Variants in MAP1A observed in about 807,000 individuals in gnomAD.
MAP1A encodes the protein microtubule associated protein 1A.
In MAP1A, 42 loss-of-function variants were observed where a neutral mutation model predicts 185.9. The observed-to-expected ratio is 0.23, with a 90% CI of 0.18 to 0.29. MAP1A has a LOEUF of 0.29. Ranked by LOEUF, MAP1A falls within the 10% of genes least tolerant of loss-of-function variation. The pLI is 1.00. For missense variants in MAP1A, 2,995 were observed against 3,450.4 expected, an observed-to-expected ratio of 0.87 and a Z score of 3.31; for synonymous variants, 1,229 against 1,335.9, an observed-to-expected ratio of 0.92 and a Z score of 1.74.
At chr15:43,520,460 C>G (rs1310107224) in intron 1 of MAP1A, among the ~76,000 whole-genome samples, 181 bp from the exon 2 acceptor site, 4 of 152,148 alleles carry the variant, frequency 2.6e-5, no homozygotes, top group Non-Finnish European at 5.9e-5. Flanking sequence ...GGTGGAAACC[C>G]TCTAAGGGAA....
chr15:43,526,796 G>C lies in MAP1A; in HGVS notation c.5323G>C (p.Glu1775Gln), dbSNP rs774184949. 3.1e-6 allele frequency: 5 copies of C among 1,614,140 alleles called. No individual in the cohort carries two copies. The highest frequency in any genetic ancestry group is 2.5e-6 in the Non-Finnish European group (3 of 1,180,020). Reference sequence around the variant, plus strand: ...GCTAGAGGTGGAGCGCTGGCTTGCTGAATCACCAGTTGGGTTGCCACCAGA... The same window carrying C: ...GCTAGAGGTGGAGCGCTGGCTTGCTCAATCACCAGTTGGGTTGCCACCAGA... ...KGLEVERWLA[E>Q]SPVGLPPEEE... The change falls in exon 4 of 6, where the codon GAA becomes CAA. Residue 1775 changes from glutamate to glutamine, a missense_variant. By Grantham distance (29) the Glu-to-Gln change is conservative. Coordinates refer to ENST00000300231, the MANE Select transcript of MAP1A (RefSeq NM_002373.6). The surrounding 1 kb of genome is among the most constrained non-coding windows in gnomAD (Gnocchi z 4.7).
Position 43,521,419 on chromosome 15 carries a change from CA to C in MAP1A, c.-54del, listed in dbSNP as rs1382612672. 6.2e-7 allele frequency: 1 copy of C among 1,614,094 alleles called. No individual in the cohort carries two copies. The highest frequency in any genetic ancestry group is 1.7e-5 in the Admixed American group (1 of 60,022). On this transcript the variant is annotated 5_prime_UTR_variant, in exon 4 of 6. Transcript: ENST00000300231. The surrounding 1 kb of genome is among the most constrained non-coding windows in gnomAD (Gnocchi z 4.6). ...GTGATTGGAGCCACCTGGGATTATCCAGTTCCCAAGAGACCCTGCACCTCCG... is the reference window on the plus strand; with the variant it reads ...GTGATTGGAGCCACCTGGGATTATCCGTTCCCAAGAGACCCTGCACCTCCG...
chr15:43,521,156 A>C lies in MAP1A; in HGVS notation c.-151+44A>C. The C allele has an allele frequency of 6.6e-7, 1 of 1,521,610 alleles. No homozygotes were observed. Among genetic ancestry groups the C allele is most frequent in the Non-Finnish European group, 8.8e-7 (1 of 1,138,176 alleles). The allele number at this position is 1,521,610 out of a possible 1,614,324, so 94.3% of individuals were successfully genotyped here. On this transcript the variant is annotated intron_variant, in intron 3 of 5. Transcript: ENST00000300231. The surrounding 1 kb of genome is among the most constrained non-coding windows in gnomAD (Gnocchi z 4.6). ...TGTCTGGGAGAAAGGGTAGCACTAG[A>C]GCTGTGGGAGGGATCTAAGGGAAAG...
Position 43,522,954 on chromosome 15 carries a change from G to A in MAP1A, c.1481G>A (p.Gly494Glu). 1 of 1,614,132 alleles carries A rather than the reference G, an allele frequency of 6.2e-7. No individual in the cohort carries two copies. The highest frequency in any genetic ancestry group is 8.5e-7 in the Non-Finnish European group (1 of 1,180,014). The part of the protein sequence containing the change: ...VKIDRSRAIR[G>E]EKELSSEPQT... ...ATAGACAGGAGCCGTGCTATCCGTG[G>A]GGAGAAGGAGCTGTCTTCTGAGCCC... The change falls in exon 4 of 6, where the codon GGG becomes GAG. Residue 494 changes from glycine to glutamate, a missense_variant. Physicochemically the swap from Gly to Glu is moderately conservative, Grantham distance 98. Coordinates refer to ENST00000300231, the MANE Select transcript of MAP1A (RefSeq NM_002373.6). The surrounding 1 kb of genome is among the most constrained non-coding windows in gnomAD (Gnocchi z 5.9).
At position 43,522,430 on chromosome 15, in the gene MAP1A, C is replaced by T. The variant is rs1471229397; in HGVS notation, c.957C>T (p.Ser319=). ...GCAAAATCAAACAGCGGGCTGATAG[C>T]AAGGAGAGCCTCAAAGCCACTACCA... ...KPSKIKQRAD[S]KESLKATTKT... is the part of the protein sequence containing the mutation. Residue 319 remains serine (S), a synonymous_variant, in exon 4 of 6, where the codon AGC becomes AGT. Coordinates refer to ENST00000300231, the MANE Select transcript of MAP1A (RefSeq NM_002373.6). This position sits in a 1 kb window ranked among gnomAD's most constrained non-coding sequence, Gnocchi z 5.9. 6.2e-7 allele frequency: 1 copy of T among 1,614,116 alleles called. No individual in the cohort carries two copies. The highest frequency in any genetic ancestry group is 1.3e-5 in the African/African-American group (1 of 75,016).
rs746565989 is a variant in MAP1A, at chr15:43,526,315, T to A, written c.4842T>A (p.Leu1614=). 2.5e-6 allele frequency: 4 copies of A among 1,614,056 alleles called. No homozygotes were observed. Among genetic ancestry groups the A allele is most frequent in the Non-Finnish European group, 3.4e-6 (4 of 1,180,020 alleles). The change falls in exon 4 of 6, where the codon CTT becomes CTA. Residue 1614 remains leucine (L), a synonymous_variant. Transcript: ENST00000300231. This position sits in a 1 kb window ranked among gnomAD's most constrained non-coding sequence, Gnocchi z 4.7. ...CCATGGAAGAGAAGTTAGAAGCTCTTCTGGAGAAGACCAAAGCTCTGGGCC... is the reference window on the plus strand; with the variant it reads ...CCATGGAAGAGAAGTTAGAAGCTCTACTGGAGAAGACCAAAGCTCTGGGCC... ...VKAMEEKLEA[L]LEKTKALGLE...
In MAP1A at chr15:43,523,495, G is replaced by A. The variant is rs748059335; in HGVS notation, c.2022G>A (p.Ala674=). 34 of 1,613,900 alleles carry A rather than the reference G, an allele frequency of 2.1e-5. 1 individual carries two copies. Among genetic ancestry groups the A allele is most frequent in the Middle Eastern group, 1.6e-4 (1 of 6,082 alleles). Residue 674 remains alanine (A), a synonymous_variant, in exon 4 of 6, where the codon GCG becomes GCA. Transcript: ENST00000300231. ...CTTCAGATGAGGAGGAAGAGGACGC[G>A]ACAAAAGCTGAGGGTTTTTACCAAA... is the stretch of plus-strand genomic sequence containing the variant. ...VHPSDEEEED[A]TKAEGFYQKH...
Position 43,530,286 on chromosome 15 carries a change from C to T in MAP1A, c.*62C>T, listed in dbSNP as rs1051220538. On this transcript the variant is annotated 3_prime_UTR_variant, in exon 6 of 6. Coordinates refer to ENST00000300231, the MANE Select transcript of MAP1A (RefSeq NM_002373.6). ...CAGCTCCTTTAGAGAATGGCTACTG[C>T]TGAGTCCTTTGGGGTTGAGGGAGAT... is the stretch of plus-strand genomic sequence containing the variant. 6 of 1,592,910 alleles carry T rather than the reference C, an allele frequency of 3.8e-6. No homozygotes were observed. The highest frequency in any genetic ancestry group is 5.1e-6 in the Non-Finnish European group (6 of 1,168,074).
rs2079321735 is a variant in MAP1A, at chr15:43,522,162, T to C, written c.689T>C (p.Val230Ala). ...AGNSKAKTGIVLPNGKEAEIS... is the reference protein window; with the variant it reads ...AGNSKAKTGIALPNGKEAEIS... ...AATAGTAAAGCCAAGACAGGCATCG[T>C]GCTGCCCAATGGGAAGGAGGCTGAG... The change falls in exon 4 of 6, where the codon GTG becomes GCG. Residue 230 changes from valine to alanine, a missense_variant. Physicochemically the swap from Val to Ala is moderately conservative, Grantham distance 64 (BLOSUM62 0). Around this residue, in one of 3 missense-constraint regions of MAP1A, gnomAD observed 264 missense variants for 435.3 expected, o/e 0.61. Transcript: ENST00000300231. This position sits in a 1 kb window ranked among gnomAD's most constrained non-coding sequence, Gnocchi z 5.9. 6.2e-7 allele frequency: 1 copy of C among 1,614,100 alleles called. No homozygotes were observed. The highest frequency in any genetic ancestry group is 1.7e-5 in the Admixed American group (1 of 60,012).
At position 43,521,775 on chromosome 15, in the gene MAP1A, T is replaced by C; in HGVS notation, c.302T>C (p.Leu101Pro). The change falls in exon 4 of 6, where the codon CTA becomes CCA. Residue 101 changes from leucine to proline, a missense_variant. Leu to Pro is a moderately conservative substitution (Grantham distance 98). Coordinates refer to ENST00000300231, the MANE Select transcript of MAP1A (RefSeq NM_002373.6). This position sits in a 1 kb window ranked among gnomAD's most constrained non-coding sequence, Gnocchi z 4.6. ...GACAACCTGCCAGGCATCAATGGAC[T>C]ACTGCAGCGCAAAGTGGCAGAGCTA... ...GADNLPGINGLLQRKVAELEE... is the reference protein window; with the variant it reads ...GADNLPGINGPLQRKVAELEE... 1 of 1,614,260 alleles carries C rather than the reference T, an allele frequency of 6.2e-7. No individual in the cohort carries two copies. Among genetic ancestry groups the C allele is most frequent in the Non-Finnish European group, 8.5e-7 (1 of 1,180,046 alleles).
At chr15:43,513,255 A>C (rs954170893), upstream of MAP1A, among the ~76,000 whole-genome samples, 7 of 151,742 alleles carry the variant, frequency 4.6e-5, no homozygotes, top group East Asian at 1.4e-3. Context: ...TGAACCCGGG[A>C]GGCAGAGGTT....
At position 43,522,697 on chromosome 15, in the gene MAP1A, G is replaced by T; in HGVS notation, c.1224G>T (p.Lys408Asn). 1.9e-6 allele frequency: 3 copies of T among 1,605,740 alleles called. No individual in the cohort carries two copies. The highest frequency in any genetic ancestry group is 1.1e-5 in the South Asian group (1 of 90,070). ...TAGGGAAAAAGCACCTTAAAGAAAA[G>T]ATATCAAAGCTGGAAGAAAAAAAAG... ...DKVGKKHLKE[K>N]ISKLEEKKDK... is the part of the protein sequence containing the mutation. The change falls in exon 4 of 6, where the codon AAG becomes AAT. Residue 408 changes from lysine (K) to asparagine (N), a missense_variant. Physicochemically the swap from Lys to Asn is moderately conservative, Grantham distance 94. Around this residue, in one of 3 missense-constraint regions of MAP1A, gnomAD observed 2,728 missense variants for 2,986.0 expected, o/e 0.91. Coordinates refer to ENST00000300231, the MANE Select transcript of MAP1A (RefSeq NM_002373.6). The surrounding 1 kb of genome is among the most constrained non-coding windows in gnomAD (Gnocchi z 5.9).
rs200749556 is a variant in MAP1A, at chr15:43,523,466, C to A, written c.1993C>A (p.His665Asn). 122 of 1,613,934 alleles carry A rather than the reference C, an allele frequency of 7.6e-5. No homozygotes were observed. The African/African-American group carries it at 1.4e-3, about 19-fold the overall frequency. The change falls in exon 4 of 6, where the codon CAC (histidine) becomes AAC (asparagine). Residue 665 changes from histidine to asparagine, a missense_variant. By Grantham distance (68) the His-to-Asn change is moderately conservative. Around this residue, in one of 3 missense-constraint regions of MAP1A, gnomAD observed 2,728 missense variants for 2,986.0 expected, o/e 0.91. Coordinates refer to ENST00000300231, the MANE Select transcript of MAP1A (RefSeq NM_002373.6). The part of the protein sequence containing the change: ...KAELEEMEEV[H>N]PSDEEEEDAT... ...TGAGTTAGAAGAAATGGAGGAGGTA[C>A]ACCCTTCAGATGAGGAGGAAGAGGA...
Position 43,523,742 on chromosome 15 carries a change from G to C in MAP1A, c.2269G>C (p.Asp757His), listed in dbSNP as rs757026835. The change falls in exon 4 of 6, where the codon GAT (aspartate) becomes CAT (histidine). Residue 757 changes from aspartate to histidine, a missense_variant. Coordinates refer to ENST00000300231, the MANE Select transcript of MAP1A (RefSeq NM_002373.6). ...GACCATCTCAGATGAGGAGATCCATGATGAGCCGGAGGAGCGCCCAGCTCC... is the reference window on the plus strand; with the variant it reads ...GACCATCTCAGATGAGGAGATCCATCATGAGCCGGAGGAGCGCCCAGCTCC... ...EQTISDEEIHDEPEERPAPPR... is the reference protein window; with the variant it reads ...EQTISDEEIHHEPEERPAPPR... 4.3e-6 allele frequency: 7 copies of C among 1,613,954 alleles called. No homozygotes were observed. Among genetic ancestry groups the C allele is most frequent in the African/African-American group, 2.7e-5 (2 of 74,912 alleles).
At chr15:43,511,110 C>A (rs988985298) in exon 1 of MAP1A, 6 of 1,550,222 alleles carry the variant, frequency 3.9e-6, no homozygotes, top group Non-Finnish European at 5.2e-6. Context: ...CTGTGCGAGG[C>A]CGGAGCCGCG....
chr15:43,523,760 C>T lies in MAP1A; in HGVS notation c.2287C>T (p.Pro763Ser), dbSNP rs771728340. 6 of 1,613,922 alleles carry T rather than the reference C, an allele frequency of 3.7e-6. No individual in the cohort carries two copies. Among genetic ancestry groups the T allele is most frequent in the Non-Finnish European group, 5.1e-6 (6 of 1,180,018 alleles). The change falls in exon 4 of 6, where the codon CCA becomes TCA. Residue 763 changes from proline (P) to serine (S), a missense_variant. Physicochemically the swap from Pro to Ser is moderately conservative, Grantham distance 74. Coordinates refer to ENST00000300231, the MANE Select transcript of MAP1A (RefSeq NM_002373.6). The part of the protein sequence containing the change: ...EEIHDEPEER[P>S]APPRFHTSTY... ...GATCCATGATGAGCCGGAGGAGCGC[C>T]CAGCTCCACCCAGATTTCATACAAG...
Position 43,527,206 on chromosome 15 carries a change from G to A in MAP1A, c.5733G>A (p.Lys1911=), listed in dbSNP as rs1448312588. The A allele has an allele frequency of 6.2e-7, 1 of 1,613,996 alleles. No individual in the cohort carries two copies. The highest frequency in any genetic ancestry group is 1.3e-5 in the African/African-American group (1 of 74,916). Residue 1911 remains lysine, a synonymous_variant, in exon 4 of 6, where the codon AAG becomes AAA. Transcript: ENST00000300231. ...PYSPLGKDYR[K]AEGEREEEGR... ...CCCCCCTGGGGAAGGACTACCGCAA[G>A]GCTGAAGGGGAAAGGGAAGAAGAAG...
rs1183311801 is a variant in MAP1A at position 43,530,336 on chromosome 15, A to G, written c.*112A>G. 3 of 1,390,964 alleles carry G rather than the reference A, an allele frequency of 2.2e-6. No homozygotes were observed. The highest frequency in any genetic ancestry group is 2.9e-6 in the Non-Finnish European group (3 of 1,019,426). 86.2% of individuals were successfully genotyped at this position (1,390,964 alleles called of 1,614,324 possible). ...TGGGAGCTAGGGGGAGGGGAGGGAG[A>G]TGTCTTGTTGTGGGGACTTGGGCTG... On this transcript the variant is annotated 3_prime_UTR_variant, in exon 6 of 6. Coordinates refer to ENST00000300231, the MANE Select transcript of MAP1A (RefSeq NM_002373.6).
chr15:43,512,345 C>CAAAGGT, intron 2 of MAP1A: 2 of 1,295,164 alleles, frequency 1.5e-6, no homozygotes, highest in Non-Finnish European at 2.2e-6. Flanking sequence ...TCACAGAGGT[C>CAAAGGT]CAGTCTCCCT....
Sources: gnomAD v4.1 joint callset for allele counts (sites outside exome capture counted in the v4.1 genomes callset) on GRCh38, gnomAD v4.1.1 for gene constraint, gnomAD v4.1.1 regional missense constraint, Gnocchi (gnomAD v3.1) non-coding constraint, MANE v1.5 for transcripts, NCBI Gene and HGNC (gene_info 2026-07-23, HGNC 2026-07-21) for gene names.